The following DHX40 variants were observed in gnomAD, a reference collection of about 807,000 sequenced individuals.
DHX40 encodes probable ATP-dependent RNA helicase DHX40.
In DHX40, 28 loss-of-function variants were observed where a neutral mutation model predicts 89.6. That is an observed-to-expected ratio of 0.31 (90% CI 0.23 to 0.43). The LOEUF (loss-of-function observed/expected upper bound fraction) is 0.43, where lower values mean the gene tolerates loss of function less well. DHX40 is among the 20% of genes least tolerant of loss of function. The probability of loss-of-function intolerance (pLI) is 1.00; values close to 1 mark genes in which losing one functional copy is unlikely to be tolerated. For missense variants in DHX40, 457 were observed against 844.0 expected (o/e 0.54, Z 5.68); for synonymous variants, 226 against 283.6 (o/e 0.80, Z 2.04).
intron 2 of DHX40, among the ~76,000 whole-genome samples, 185 bp downstream of exon 2, chr17:59,566,979 G>T (rs2048714515): frequency 6.6e-6 from 1 of 151,998 alleles, no homozygotes; most frequent in South Asian, 2.1e-4. Flanking sequence ...AGAATTAGTT[G>T]GGATGGCAAA....
Position 59,575,429 on chromosome 17 carries a change from G to A in DHX40, c.931G>A (p.Asp311Asn), listed in dbSNP as rs546867586. ...YDYDVQDTTL[D>N]GLLILPCYGS... ...TTATGATGTTCAAGATACCACCCTC[G>A]ATGGCTTGTTAATATTGCCGTGTTA... Residue 311 changes from aspartate to asparagine, a missense_variant, in exon 7 of 18, where the codon GAT (aspartate) becomes AAT (asparagine). By Grantham distance (23) the Asp-to-Asn change is conservative (BLOSUM62 1). This residue lies in a region of DHX40 where 116 missense variants were observed against 188.9 expected (regional missense o/e 0.61). Transcript: ENST00000251241. 7 of 1,612,870 alleles carry A rather than the reference G, an allele frequency of 4.3e-6. No homozygotes were observed. Among genetic ancestry groups the A allele is most frequent in the East Asian group, 2.2e-5 (1 of 44,806 alleles).
intron 2 of DHX40, among the ~76,000 whole-genome samples, 173 bp downstream of exon 2, chr17:59,566,967 C>G (rs571551269): frequency 8.5e-4 from 129 of 152,202 alleles, no homozygotes; most frequent in African/African-American, 2.9e-3. Context: ...ATTTCAGGTT[C>G]AAGAATTAGT....
In DHX40 at chr17:59,608,131, C is replaced by T. The variant is rs560687852; in HGVS notation, c.*959C>T. On this transcript the variant is annotated 3_prime_UTR_variant, in exon 18 of 18. Coordinates refer to ENST00000251241, the MANE Select transcript of DHX40 (RefSeq NM_024612.5). ...AACCTTGAGGCTAGTTAGTATCACA[C>T]TCAGGCCACACTCAGCACTTGCCCA... The T allele has an allele frequency of 1.3e-5, 2 of 154,876 alleles. No individual in the cohort carries two copies. Among genetic ancestry groups the T allele is most frequent in the East Asian group, 3.9e-4 (2 of 5,186 alleles). 9.6% of individuals were successfully genotyped at this position (154,876 alleles called of 1,614,324 possible).
Position 59,566,665 on chromosome 17 carries a change from C to T in DHX40, c.151C>T (p.Pro51Ser). Reference sequence around the variant, plus strand: ...CACGTCCCAGGAGGGAGGAACTACTCCAACTTTTCCTATTCAGAAACAAAG... The same window carrying T: ...CACGTCCCAGGAGGGAGGAACTACTTCAACTTTTCCTATTCAGAAACAAAG... ...GCTSQEGGTT[P>S]TFPIQKQRKK... The change falls in exon 2 of 18, where the codon CCA (proline) becomes TCA (serine). Residue 51 changes from proline to serine, a missense_variant. This residue lies in a region of DHX40 where 75 missense variants were observed against 76.8 expected (regional missense o/e 0.98). Coordinates refer to ENST00000251241, the MANE Select transcript of DHX40 (RefSeq NM_024612.5). 6.2e-7 allele frequency: 1 copy of T among 1,602,802 alleles called. No homozygotes were observed. The highest frequency in any genetic ancestry group is 8.5e-7 in the Non-Finnish European group (1 of 1,177,064).
intron 12 of DHX40, among the ~76,000 whole-genome samples, 180 bp downstream of exon 12, chr17:59,588,233 A>C (rs557315495): frequency 1.3e-4 from 20 of 148,560 alleles, no homozygotes; most frequent in East Asian, 9.7e-4. Flanking sequence ...AAAAAAAAAA[A>C]AAAAAAAACC....
intron 12 of DHX40, among the ~76,000 whole-genome samples, chr17:59,592,101 G>A (rs1284659573): frequency 6.6e-6 from 1 of 151,326 alleles, no homozygotes; most frequent in Non-Finnish European, 1.5e-5. Flanking sequence ...AAACTCCTAG[G>A]CTCAAGCAAT....
intron 11 of DHX40, among the ~76,000 whole-genome samples, chr17:59,586,506 C>G (rs1046869189): frequency 1.3e-5 from 2 of 151,516 alleles, no homozygotes; most frequent in African/African-American, 4.8e-5. Context: ...ACTAAAAATA[C>G]AAAAACAAAA....
intron 12 of DHX40, among the ~76,000 whole-genome samples, chr17:59,593,855 C>G (rs986293906): frequency 6.6e-6 from 1 of 151,368 alleles, no homozygotes; most frequent in African/African-American, 2.4e-5. Flanking sequence ...CCCAGATCTA[C>G]TGTTGAGCCC....
chr17:59,589,048 T>C (rs72628395), intron 12 of DHX40, among the ~76,000 whole-genome samples: 14,772 of 151,996 alleles, frequency 0.097, 1,409 homozygotes, highest in East Asian at 0.47. Flanking sequence ...GATTGTCTGT[T>C]TGTTCTTCCA....
At position 59,569,112 on chromosome 17, in the gene DHX40, T is replaced by C. The variant is rs1278322384; in HGVS notation, c.281-1406T>C. Among the ~76,000 whole-genome samples the C allele has an allele frequency of 2.6e-3, 395 of 152,140 alleles. 1 individual carries two copies. The highest frequency in any genetic ancestry group is 8.5e-3 in the African/African-American group (354 of 41,552). On this transcript the variant is annotated intron_variant, in intron 2 of 17. Coordinates refer to ENST00000251241, the MANE Select transcript of DHX40 (RefSeq NM_024612.5). Reference sequence around the variant, plus strand: ...GGGAGGCTGAGGCAGATGGATCACTTGAGGTCAGAAGTTTGCGACCAGCCT... The same window carrying C: ...GGGAGGCTGAGGCAGATGGATCACTCGAGGTCAGAAGTTTGCGACCAGCCT...
At chr17:59,586,558 C>T (rs546854345) in intron 11 of DHX40, among the ~76,000 whole-genome samples, 16 of 151,312 alleles carry the variant, frequency 1.1e-4, no homozygotes, top group East Asian at 5.9e-4. Context: ...CCCAGCTACT[C>T]GGGAGGCTGA....
At chr17:59,565,949 G>C (rs747918107) in intron 1 of DHX40, among the ~76,000 whole-genome samples, 166 bp downstream of exon 1, 10 of 151,974 alleles carry the variant, frequency 6.6e-5, no homozygotes, top group Non-Finnish European at 1.3e-4. Context: ...TGAGCACTTT[G>C]CCTTAGAGGG....
At chr17:59,572,627 C>T (rs533305143) in intron 3 of DHX40, among the ~76,000 whole-genome samples, 1 of 152,280 alleles carries the variant, frequency 6.6e-6, no homozygotes, top group South Asian at 2.1e-4. Flanking sequence ...GATCCGCCCA[C>T]CTCAGCAACC....
intron 12 of DHX40, among the ~76,000 whole-genome samples, chr17:59,591,517 TAGAAAA>T (rs2049082328): frequency 1.3e-5 from 2 of 151,162 alleles, no homozygotes; most frequent in South Asian, 4.2e-4. Flanking sequence ...CTTTTAAGGC[TAGAAAA>T]AGAAAAATGT....
Position 59,575,398 on chromosome 17 carries a change from T to C in DHX40, c.900T>C (p.Asp300=). Residue 300 remains aspartate (D), a synonymous_variant, in exon 7 of 18, where the codon GAT becomes GAC. Transcript: ENST00000251241. The part of the protein sequence containing the change: ...ELLFQMAESV[D]YDYDVQDTTL... ...TTTTTCAGATGGCAGAGTCTGTTGATTATGATTATGATGTTCAAGATACCA... is the reference window on the plus strand; with the variant it reads ...TTTTTCAGATGGCAGAGTCTGTTGACTATGATTATGATGTTCAAGATACCA... 1 of 1,611,380 alleles carries C rather than the reference T, an allele frequency of 6.2e-7. No individual in the cohort carries two copies. The highest frequency in any genetic ancestry group is 8.5e-7 in the Non-Finnish European group (1 of 1,178,952).
chr17:59,606,910 A>G lies in DHX40; in HGVS notation c.2201-123A>G, dbSNP rs138563294. 123 of 996,680 alleles carry G rather than the reference A, an allele frequency of 1.2e-4. No homozygotes were observed. The African/African-American group carries it at 1.8e-3, about 14-fold the overall frequency. The allele number at this position is 996,680 out of a possible 1,614,324, so 61.7% of individuals were successfully genotyped here. On this transcript the variant is annotated intron_variant, in intron 17 of 17. Coordinates refer to ENST00000251241, the MANE Select transcript of DHX40 (RefSeq NM_024612.5). ...CATTGCTTTTGAAAGGGCAAAATTT[A>G]ATTTTTCTCTTTATTGTTTTTACTT... is the stretch of plus-strand genomic sequence containing the variant.
At chr17:59,593,844 G>C (rs2049114566) in intron 12 of DHX40, among the ~76,000 whole-genome samples, 1 of 151,266 alleles carries the variant, frequency 6.6e-6, no homozygotes, top group Admixed American at 6.6e-5. Flanking sequence ...TCTTCTGCCA[G>C]CCCAGATCTA....
In DHX40 at chr17:59,607,934, T is replaced by TA. The variant is rs1032045185; in HGVS notation, c.*763dup. The TA allele has an allele frequency of 1.9e-5, 3 of 153,866 alleles. No homozygotes were observed. Among genetic ancestry groups the TA allele is most frequent in the Admixed American group, 6.6e-5 (1 of 15,246 alleles). 9.5% of individuals were successfully genotyped at this position (153,866 alleles called of 1,614,324 possible). On this transcript the variant is annotated 3_prime_UTR_variant, in exon 18 of 18. Coordinates refer to ENST00000251241, the MANE Select transcript of DHX40 (RefSeq NM_024612.5). Reference sequence around the variant, plus strand: ...AAGTTCTTTTTTAGCTGTACCTACGTACTTATATCAGCACCATGTATGTAG... The same window carrying TA: ...AAGTTCTTTTTTAGCTGTACCTACGTAACTTATATCAGCACCATGTATGTAG...
At chr17:59,571,565 A>G (rs2048809386) in intron 3 of DHX40, among the ~76,000 whole-genome samples, 1 of 147,866 alleles carries the variant, frequency 6.8e-6, no homozygotes, top group African/African-American at 2.5e-5. Context: ...TAAAACCCCC[A>G]TTTCTCCCTC....
Sources: gnomAD v4.1 joint callset for allele counts (sites outside exome capture counted in the v4.1 genomes callset) on GRCh38, gnomAD v4.1.1 for gene constraint, gnomAD v4.1.1 regional missense constraint, MANE v1.5 for transcripts, NCBI Gene and HGNC (gene_info 2026-07-23, HGNC 2026-07-21) for gene names.